The following PTDSS1 variants were observed in gnomAD, a reference collection of about 807,000 sequenced individuals.
PTDSS1 encodes PSS-1.
Under a neutral mutation model 70.5 loss-of-function variants are expected in PTDSS1, and 45 were observed. The ratio of observed to expected loss-of-function variants is 0.64; its 90% CI spans 0.50 to 0.82. The LOEUF (loss-of-function observed/expected upper bound fraction) is 0.82. Ranked by LOEUF, PTDSS1 falls within the 40% of genes least tolerant of loss-of-function variation. PTDSS1 has a pLI of 0.00. For synonymous variants in PTDSS1, 188 were observed against 203.8 expected, an observed-to-expected ratio of 0.92 and a Z score of 0.66; for missense variants, 417 against 586.1, an observed-to-expected ratio of 0.71 and a Z score of 2.98.
chr8:96,331,229 A>G, intron 12 of PTDSS1, 134 bp downstream of exon 12: 1 of 817,246 alleles, frequency 1.2e-6, no homozygotes, highest in South Asian at 1.7e-5. Flanking sequence ...CCTGTCACTT[A>G]TTAAGAAACA....
At chr8:96,310,684 A>T (rs1449405914) in intron 9 of PTDSS1, among the ~76,000 whole-genome samples, 2 of 152,056 alleles carry the variant, frequency 1.3e-5, no homozygotes, top group African/African-American at 4.8e-5. Context: ...CTTGCTATAT[A>T]CTGAAGTATA....
chr8:96,336,112 T>A lies in PTDSS1; in HGVS notation c.*2546T>A, dbSNP rs1163258536. The A allele has an allele frequency of 6.6e-6, 1 of 150,686 alleles. No homozygotes were observed. Among genetic ancestry groups the A allele is most frequent in the Non-Finnish European group, 1.5e-5 (1 of 68,030 alleles). The allele number at this position is 150,686 out of a possible 1,614,324, so 9.3% of individuals were successfully genotyped here. ...ATTCATAGAAACCTTGGAACCACTC[T>A]CACAGCAATGCTAGGATGTTTCATG... On this transcript the variant is annotated 3_prime_UTR_variant, in exon 13 of 13. Coordinates refer to ENST00000517309, the MANE Select transcript of PTDSS1 (RefSeq NM_014754.3).
intron 2 of PTDSS1, among the ~76,000 whole-genome samples, chr8:96,277,013 C>CACACACACACACA (rs1554582534): frequency 6.7e-6 from 1 of 149,204 alleles, no homozygotes; most frequent in African/African-American, 2.5e-5. Context: ...CACACACACA[C>CACACACACACACA]CACCATTCAC....
At position 96,262,371 on chromosome 8, in the gene PTDSS1, C is replaced by A; in HGVS notation, c.179+152C>A. The A allele has an allele frequency of 1.9e-6, 2 of 1,032,354 alleles. No individual in the cohort carries two copies. Among genetic ancestry groups the A allele is most frequent in the Non-Finnish European group, 2.7e-6 (2 of 732,840 alleles). 63.9% of individuals were successfully genotyped at this position (1,032,354 alleles called of 1,614,324 possible). On this transcript the variant is annotated intron_variant, in intron 1 of 12. Coordinates refer to ENST00000517309, the MANE Select transcript of PTDSS1 (RefSeq NM_014754.3). The surrounding 1 kb of genome is among the most constrained non-coding windows in gnomAD (Gnocchi z 4.4). Reference sequence around the variant, plus strand: ...CACTGGCAGCCCGCCGCCCACGCGGCCCCTCCGCCCGCCCGGTGTCTCACA... The same window carrying A: ...CACTGGCAGCCCGCCGCCCACGCGGACCCTCCGCCCGCCCGGTGTCTCACA...
intron 6 of PTDSS1, among the ~76,000 whole-genome samples, chr8:96,300,938 A>G (rs1283311610): frequency 6.6e-6 from 1 of 152,130 alleles, no homozygotes; most frequent in East Asian, 1.9e-4. Context: ...ATATATATGT[A>G]TATCCATTTC....
Position 96,304,113 on chromosome 8 carries a change from C to T in PTDSS1, c.826C>T (p.Arg276Ter), listed in dbSNP as rs142695191. 1.1e-5 allele frequency: 17 copies of T among 1,613,536 alleles called. No homozygotes were observed. Among genetic ancestry groups the T allele is most frequent in the East Asian group, 2.2e-5 (1 of 44,848 alleles). Residue 276 changes from arginine to a stop codon, truncating the protein, a stop_gained, in exon 7 of 13, where the codon CGA becomes TGA. Coordinates refer to ENST00000517309, the MANE Select transcript of PTDSS1 (RefSeq NM_014754.3). LOFTEE classifies it high-confidence loss of function. ...QFTPASWTYVRWFDPKSSFQR... is the reference protein window; with the variant it reads ...QFTPASWTYV Reference sequence around the variant, plus strand: ...CACTCCTGCTAGCTGGACCTATGTTCGATGGTTTGACCCCAAATCTTCTTT... The same window carrying T: ...CACTCCTGCTAGCTGGACCTATGTTTGATGGTTTGACCCCAAATCTTCTTT...
At chr8:96,281,174 C>G (rs1277676451) in intron 2 of PTDSS1, among the ~76,000 whole-genome samples, 1 of 152,178 alleles carries the variant, frequency 6.6e-6, no homozygotes, top group Admixed American at 6.5e-5. Flanking sequence ...CAGCCTCATC[C>G]TCGATTTTTT....
At chr8:96,322,839 C>T (rs13262071) in intron 10 of PTDSS1, among the ~76,000 whole-genome samples, 31,657 of 152,144 alleles carry the variant, frequency 0.21, 3,720 homozygotes, top group Non-Finnish European at 0.26. Flanking sequence ...TGGACACCAC[C>T]GCAGTTTCTG....
Position 96,287,295 on chromosome 8 carries a change from C to A in PTDSS1, c.441+149C>A, listed in dbSNP as rs1474660141. 10 of 1,048,606 alleles carry A rather than the reference C, an allele frequency of 9.5e-6. No homozygotes were observed. In the Admixed American group the frequency reaches 2.1e-4, roughly 22 times the overall value. The allele number at this position is 1,048,606 out of a possible 1,614,324, so 65.0% of individuals were successfully genotyped here. A position where few individuals can be genotyped will look rare whatever the true frequency, so the allele number is the denominator to read the frequency against. Reference sequence around the variant, plus strand: ...GGTCTCTGGGAGGGTTGTTGAGTTGCATGGTTGTCCACAGGTGATAGAGTT... The same window carrying A: ...GGTCTCTGGGAGGGTTGTTGAGTTGAATGGTTGTCCACAGGTGATAGAGTT... On this transcript the variant is annotated intron_variant, in intron 4 of 12. Coordinates refer to ENST00000517309, the MANE Select transcript of PTDSS1 (RefSeq NM_014754.3).
rs1287137261 is a variant in PTDSS1 at position 96,330,991 on chromosome 8, T to TA, written c.1243-31dup. ...CCTGCCACTTCTCCCAGGGAGTTCC[T>TA]AAAATTCCTGCACTAAGCCTGTCTC... On this transcript the variant is annotated intron_variant, in intron 11 of 12. Transcript: ENST00000517309. 2.5e-6 allele frequency: 4 copies of TA among 1,577,850 alleles called. No individual in the cohort carries two copies. In the African/African-American group the frequency reaches 5.4e-5, roughly 21 times the overall value.
intron 5 of PTDSS1, among the ~76,000 whole-genome samples, chr8:96,298,500 A>C (rs1172376238): frequency 6.6e-6 from 1 of 152,086 alleles, no homozygotes; most frequent in East Asian, 1.9e-4. Context: ...AAACAAATTG[A>C]TTTCTAGAGA....
intron 9 of PTDSS1, among the ~76,000 whole-genome samples, chr8:96,317,071 G>GTATA (rs147250029): frequency 6.7e-6 from 1 of 148,518 alleles, no homozygotes; most frequent in Non-Finnish European, 1.5e-5. Context: ...GTGTGTGTGT[G>GTATA]TATATATATA....
At position 96,262,290 on chromosome 8, in the gene PTDSS1, A is replaced by AGGGGGGGGTGGGGTGGGGGGGGGGGT; in HGVS notation, c.179+77_179+78insGGTGGGGTGGGGGGGGGGGTGGGGGG. ...AGAGGCGGGAGGGAGGGTGGCGGGGAGGGGGGCCCGGCATGGCTCTGGGTG... is the reference window on the plus strand; with the variant it reads ...AGAGGCGGGAGGGAGGGTGGCGGGGAGGGGGGGGTGGGGTGGGGGGGGGGGTGGGGGGCCCGGCATGGCTCTGGGTG... On this transcript the variant is annotated intron_variant, in intron 1 of 12. Transcript: ENST00000517309. This position sits in a 1 kb window ranked among gnomAD's most constrained non-coding sequence, Gnocchi z 4.4. 1 of 387,408 alleles carries AGGGGGGGGTGGGGTGGGGGGGGGGGT rather than the reference A, an allele frequency of 2.6e-6. No individual in the cohort carries two copies. The highest frequency in any genetic ancestry group is 5.0e-6 in the Non-Finnish European group (1 of 201,922). 24.0% of individuals were successfully genotyped at this position (387,408 alleles called of 1,614,324 possible). A position where few individuals can be genotyped will look rare whatever the true frequency, so the allele number is the denominator to read the frequency against.
intron 4 of PTDSS1, among the ~76,000 whole-genome samples, chr8:96,293,280 T>A (rs1489915326): frequency 6.6e-6 from 1 of 152,210 alleles, no homozygotes; most frequent in Non-Finnish European, 1.5e-5. Context: ...GGCAGCGAGA[T>A]GCATAAAAGA....
intron 9 of PTDSS1, among the ~76,000 whole-genome samples, chr8:96,314,971 C>T (rs951817268): frequency 2.0e-5 from 3 of 152,134 alleles, no homozygotes; most frequent in Non-Finnish European, 2.9e-5. Flanking sequence ...AGTATCTAAA[C>T]GAGTAAGCAG....
chr8:96,313,424 A>G (rs1191997242), intron 9 of PTDSS1, among the ~76,000 whole-genome samples: 1 of 152,190 alleles, frequency 6.6e-6, no homozygotes. Flanking sequence ...GACTGATGTG[A>G]ACAAATTCTC....
chr8:96,314,383 C>T (rs1811255012), intron 9 of PTDSS1, among the ~76,000 whole-genome samples: 1 of 152,090 alleles, frequency 6.6e-6, no homozygotes, highest in Non-Finnish European at 1.5e-5. Context: ...CAACTATGAG[C>T]ATGAGCTTCC....
intron 1 of PTDSS1, among the ~76,000 whole-genome samples, chr8:96,271,550 A>C (rs984073886): frequency 2.6e-5 from 4 of 152,212 alleles, no homozygotes; most frequent in African/African-American, 9.7e-5. Flanking sequence ...GAGTTTATCT[A>C]AAGGATAAAT....
At chr8:96,333,344 G>A in intron 12 of PTDSS1, 113 bp from the exon 13 acceptor site, 1 of 854,290 alleles carries the variant, frequency 1.2e-6, no homozygotes, top group Non-Finnish European at 2.0e-6. Context: ...ACTAGGGGGA[G>A]TGCACGTATC....
Sources: allele counts gnomAD v4.1 joint callset (sites outside exome capture counted in the v4.1 genomes callset), GRCh38; gene constraint gnomAD v4.1.1; non-coding constraint Gnocchi (gnomAD v3.1); transcripts MANE v1.5; gene names NCBI Gene and HGNC (gene_info 2026-07-23, HGNC 2026-07-21).